ZNRF2: variants seen among roughly 807,000 people sequenced by gnomAD.
ZNRF2 encodes the protein E3 ubiquitin-protein ligase ZNRF2.
ZNRF2 carries 16 observed loss-of-function variants against 20.4 expected under a neutral mutation model. The observed-to-expected ratio is 0.79, with a 90% CI of 0.53 to 1.19. The LOEUF (loss-of-function observed/expected upper bound fraction) is 1.19. ZNRF2 is among the 50% of genes most tolerant of loss of function. ZNRF2 has a pLI of 0.00. For synonymous variants in ZNRF2, 178 were observed against 144.9 expected (o/e 1.23, Z -1.64); for missense variants, 363 against 332.4 (o/e 1.09, Z -0.72).
chr7:30,365,100 T>C (rs1800188535), intron 4 of ZNRF2, among the ~76,000 whole-genome samples: 1 of 150,102 alleles, frequency 6.7e-6, no homozygotes, highest in Non-Finnish European at 1.5e-5. Flanking sequence ...GGTTTTAACA[T>C]AGCAATTTTG....
At chr7:30,311,775 A>G (rs935798458) in intron 1 of ZNRF2, among the ~76,000 whole-genome samples, 1 of 152,142 alleles carries the variant, frequency 6.6e-6, no homozygotes, top group African/African-American at 2.4e-5. Flanking sequence ...ACTGAGTCCA[A>G]TTATTTGAGT....
intron 2 of ZNRF2, among the ~76,000 whole-genome samples, chr7:30,330,339 C>A (rs1562614883): frequency 6.6e-6 from 1 of 152,154 alleles, no homozygotes; most frequent in Non-Finnish European, 1.5e-5. Context: ...CAAGATGTGA[C>A]TATTACCCTG....
intron 2 of ZNRF2, among the ~76,000 whole-genome samples, chr7:30,346,518 T>A (rs915810570): frequency 2.6e-5 from 4 of 152,116 alleles, no homozygotes; most frequent in African/African-American, 9.7e-5. Context: ...ACTTGCAGTA[T>A]TGTAGATAAG....
chr7:30,295,295 G>A (rs1367353593), intron 1 of ZNRF2, among the ~76,000 whole-genome samples: 1 of 152,176 alleles, frequency 6.6e-6, no homozygotes, highest in Admixed American at 6.5e-5. Flanking sequence ...AGCAGAGATG[G>A]GATGCACTTT....
At chr7:30,301,943 C>T (rs1799123832) in intron 1 of ZNRF2, among the ~76,000 whole-genome samples, 1 of 152,178 alleles carries the variant, frequency 6.6e-6, no homozygotes, top group African/African-American at 2.4e-5. Context: ...TCACTGTTGC[C>T]ACAGGGGTGG....
At position 30,285,377 on chromosome 7, in the gene ZNRF2, G is replaced by T. The variant is rs1339711874; in HGVS notation, c.20G>T (p.Gly7Val). Residue 7 changes from glycine (G) to valine (V), a missense_variant, in exon 1 of 5, where the codon GGC becomes GTC. Coordinates refer to ENST00000323037, the MANE Select transcript of ZNRF2 (RefSeq NM_147128.4). MGAKQS[G>V]PAAANGRTRA... is the part of the protein sequence containing the mutation. ...GCGGACATGGGCGCCAAACAGAGCGGCCCGGCCGCCGCTAACGGCCGCACG... is the reference window on the plus strand; with the variant it reads ...GCGGACATGGGCGCCAAACAGAGCGTCCCGGCCGCCGCTAACGGCCGCACG... The T allele has an allele frequency of 1.1e-5, 14 of 1,225,746 alleles. No homozygotes were observed. The African/African-American group carries it at 1.8e-4, about 16-fold the overall frequency. 75.9% of individuals were successfully genotyped at this position (1,225,746 alleles called of 1,614,324 possible).
At position 30,296,778 on chromosome 7, in the gene ZNRF2, ATAT is replaced by A. The variant is rs568188801; in HGVS notation, c.469+10960_469+10962del. 1.0e-3 allele frequency among the ~76,000 whole-genome samples: 154 copies of A among 152,332 alleles called. 1 individual carries two copies. Among genetic ancestry groups the A allele is most frequent in the African/African-American group, 1.6e-3 (68 of 41,578 alleles). ...AAATAACTAAAATTAAGAATATTTA[ATAT>A]TATTATTGGCCACTTTAAGTGTCTT... On this transcript the variant is annotated intron_variant, in intron 1 of 4. Coordinates refer to ENST00000323037, the MANE Select transcript of ZNRF2 (RefSeq NM_147128.4).
intron 2 of ZNRF2, among the ~76,000 whole-genome samples, chr7:30,348,683 C>T (rs532597411): frequency 1.3e-5 from 2 of 152,190 alleles, no homozygotes; most frequent in Non-Finnish European, 2.9e-5. Flanking sequence ...GATAGGACTA[C>T]ATGTACCGGT....
rs568090269 is a variant in ZNRF2, at chr7:30,295,018, A to G, written c.469+9192A>G. Among the ~76,000 whole-genome samples, 124 of 64,400 alleles carry G rather than the reference A, an allele frequency of 1.9e-3. 1 individual carries two copies. Among genetic ancestry groups the G allele is most frequent in the African/African-American group, 8.2e-3 (120 of 14,576 alleles). 42.2% of individuals were successfully genotyped at this position (64,400 alleles called of 152,430 possible). Reference sequence around the variant, plus strand: ...CAGAGAGAGAGAGGGAGGGAAGGAGAGAGAGAGAGAGAGAGAGAGAGAGAG... The same window carrying G: ...CAGAGAGAGAGAGGGAGGGAAGGAGGGAGAGAGAGAGAGAGAGAGAGAGAG... On this transcript the variant is annotated intron_variant, in intron 1 of 4. Transcript: ENST00000323037.
At chr7:30,312,007 G>T (rs935829150) in intron 1 of ZNRF2, among the ~76,000 whole-genome samples, 1 of 151,938 alleles carries the variant, frequency 6.6e-6, no homozygotes. Flanking sequence ...AGATTTTAAG[G>T]CCCCAGTTGC....
At chr7:30,297,154 A>G (rs1031638000) in intron 1 of ZNRF2, among the ~76,000 whole-genome samples, 2 of 151,736 alleles carry the variant, frequency 1.3e-5, no homozygotes, top group African/African-American at 2.4e-5. Context: ...TAGTTTTACA[A>G]CCCTCCCTCA....
chr7:30,329,438 C>T (rs1324546910), intron 2 of ZNRF2, among the ~76,000 whole-genome samples: 1 of 152,116 alleles, frequency 6.6e-6, no homozygotes, highest in African/African-American at 2.4e-5. Flanking sequence ...CTTTATATCC[C>T]CCTTCCCCAG....
rs1798755698 is a variant in ZNRF2 at position 30,285,391 on chromosome 7, A to G, written c.34A>G (p.Asn12Asp). Residue 12 changes from asparagine (N) to aspartate (D), a missense_variant, in exon 1 of 5, where the codon AAC becomes GAC. Asn to Asp is a conservative substitution (Grantham distance 23, BLOSUM62 1). Coordinates refer to ENST00000323037, the MANE Select transcript of ZNRF2 (RefSeq NM_147128.4). ...CAAACAGAGCGGCCCGGCCGCCGCT[A>G]ACGGCCGCACGCGCGCGTACTCGGG... Reference protein sequence around the residue: ...GAKQSGPAAANGRTRAYSGSD... With the variant: ...GAKQSGPAAADGRTRAYSGSD... 2 of 1,249,774 alleles carry G rather than the reference A, an allele frequency of 1.6e-6. No homozygotes were observed. The highest frequency in any genetic ancestry group is 2.0e-6 in the Non-Finnish European group (2 of 980,198). The allele number at this position is 1,249,774 out of a possible 1,614,324, so 77.4% of individuals were successfully genotyped here. A position where few individuals can be genotyped will look rare whatever the true frequency, so the allele number is the denominator to read the frequency against.
intron 1 of ZNRF2, among the ~76,000 whole-genome samples, chr7:30,293,799 T>A (rs1798958009): frequency 6.6e-6 from 1 of 152,228 alleles, no homozygotes; most frequent in Admixed American, 6.5e-5. Context: ...GGCTCTTTTT[T>A]TAGCGACGAA....
intron 1 of ZNRF2, among the ~76,000 whole-genome samples, chr7:30,293,528 C>A (rs954794858): frequency 1.3e-5 from 2 of 152,162 alleles, no homozygotes; most frequent in African/African-American, 2.4e-5. Flanking sequence ...GGATTACAGG[C>A]CTGAGTGCCC....
At chr7:30,324,206 ACT>A (rs1799517461) in intron 2 of ZNRF2, among the ~76,000 whole-genome samples, 1 of 151,468 alleles carries the variant, frequency 6.6e-6, no homozygotes, top group South Asian at 2.1e-4. Context: ...CCTCTGGAAA[ACT>A]CTGCTGCTAT....
At chr7:30,326,988 T>A (rs942019409) in intron 2 of ZNRF2, among the ~76,000 whole-genome samples, 4 of 152,180 alleles carry the variant, frequency 2.6e-5, no homozygotes, top group South Asian at 2.1e-4. Context: ...TGTTTGCTTT[T>A]TTCTTGTAAA....
chr7:30,339,348 G>T (rs752174391), intron 2 of ZNRF2, among the ~76,000 whole-genome samples: 1 of 152,100 alleles, frequency 6.6e-6, no homozygotes, highest in Non-Finnish European at 1.5e-5. Flanking sequence ...TGCCCATGCC[G>T]ATGTTCTGAA....
intron 3 of ZNRF2, among the ~76,000 whole-genome samples, chr7:30,359,991 A>G (rs1800101682): frequency 6.6e-6 from 1 of 152,196 alleles, no homozygotes; most frequent in African/African-American, 2.4e-5. Flanking sequence ...AGAAAAAAGG[A>G]CCCTCAATTG....
Sources: allele counts gnomAD v4.1 joint callset (sites outside exome capture counted in the v4.1 genomes callset), GRCh38; gene constraint gnomAD v4.1.1; transcripts MANE v1.5; gene names NCBI Gene and HGNC (gene_info 2026-07-23, HGNC 2026-07-21).